The following CSMD1 variants were observed in gnomAD, a reference collection of about 807,000 sequenced individuals.
CSMD1 encodes the protein CUB and Sushi multiple domains 1, also known as CUB and sushi domain-containing protein 1.
CSMD1 carries 213 observed loss-of-function variants against 417.5 expected under a neutral mutation model. The observed-to-expected ratio is 0.51, with a 90% CI of 0.46 to 0.57. The LOEUF (loss-of-function observed/expected upper bound fraction) is 0.57. Ranked by LOEUF, CSMD1 falls within the 20% of genes least tolerant of loss-of-function variation. The pLI is 0.00. For missense variants in CSMD1, 6,923 were observed against 4,529.7 expected (o/e 1.53, Z -15.17); for synonymous variants, 2,862 against 1,736.8 (o/e 1.65, Z -16.11).
chr8:3,973,486 A>C (rs923822647), intron 5 of CSMD1, among the ~76,000 whole-genome samples: 7 of 152,216 alleles, frequency 4.6e-5, no homozygotes, highest in Non-Finnish European at 7.3e-5. Flanking sequence ...TTATTTTAAA[A>C]AATAGCATAC....
chr8:3,994,620 AG>A (rs1328397175), intron 5 of CSMD1, among the ~76,000 whole-genome samples: 1 of 151,998 alleles, frequency 6.6e-6, no homozygotes, highest in Non-Finnish European at 1.5e-5. Flanking sequence ...GAATCCGACT[AG>A]TTAAAAAAAA....
intron 2 of CSMD1, among the ~76,000 whole-genome samples, chr8:4,510,365 G>C (rs1307365522): frequency 1.4e-5 from 1 of 71,216 alleles, no homozygotes; most frequent in Non-Finnish European, 2.6e-5. Flanking sequence ...TATATTTTTT[G>C]TAGACAATTA....
intron 2 of CSMD1, among the ~76,000 whole-genome samples, chr8:4,544,295 G>C (rs1004137595): frequency 1.3e-5 from 2 of 151,954 alleles, no homozygotes; most frequent in Admixed American, 1.3e-4. Context: ...GTTTGTAAGA[G>C]GTCTATTGTC....
At chr8:3,694,624 G>A (rs1334376097) in intron 7 of CSMD1, among the ~76,000 whole-genome samples, 4 of 152,032 alleles carry the variant, frequency 2.6e-5, no homozygotes, top group Non-Finnish European at 4.4e-5. Flanking sequence ...CCAGCCCTGG[G>A]CATGAGAGGG....
intron 3 of CSMD1, among the ~76,000 whole-genome samples, chr8:4,078,080 A>G (rs1051696506): frequency 6.6e-6 from 1 of 152,186 alleles, no homozygotes; most frequent in Non-Finnish European, 1.5e-5. Flanking sequence ...AGAAATGCCT[A>G]CATGCCAAAG....
At chr8:3,089,519 G>A (rs964558055) in intron 48 of CSMD1, among the ~76,000 whole-genome samples, 8 of 152,150 alleles carry the variant, frequency 5.3e-5, no homozygotes, top group African/African-American at 1.9e-4. Flanking sequence ...TACGTGCATA[G>A]GGCAAATACA....
intron 25 of CSMD1, among the ~76,000 whole-genome samples, chr8:3,301,785 A>C (rs899521687): frequency 6.6e-6 from 1 of 152,246 alleles, no homozygotes; most frequent in Admixed American, 6.5e-5. Context: ...AGGGTATTTG[A>C]GAGATTGGAG....
At chr8:3,501,292 A>C (rs1321680003) in intron 10 of CSMD1, among the ~76,000 whole-genome samples, 1 of 151,952 alleles carries the variant, frequency 6.6e-6, no homozygotes, top group Non-Finnish European at 1.5e-5. Flanking sequence ...ATACACACAC[A>C]CCCCAAGAAA....
chr8:3,866,803 C>T (rs189595912), intron 5 of CSMD1, among the ~76,000 whole-genome samples: 4 of 152,090 alleles, frequency 2.6e-5, no homozygotes, highest in Non-Finnish European at 5.9e-5. Flanking sequence ...GCTCACAAAT[C>T]CTTAATATGA....
At chr8:3,850,929 T>A (rs1176478319) in intron 5 of CSMD1, among the ~76,000 whole-genome samples, 1 of 152,164 alleles carries the variant, frequency 6.6e-6, no homozygotes, top group African/African-American at 2.4e-5. Flanking sequence ...TTAAAAGAAA[T>A]AAGAATTACT....
chr8:3,028,664 T>C (rs1810120482), intron 51 of CSMD1, among the ~76,000 whole-genome samples: 1 of 152,244 alleles, frequency 6.6e-6, no homozygotes, highest in Admixed American at 6.5e-5. Flanking sequence ...TTCATGCTTT[T>C]GTCTTTTTCA....
intron 21 of CSMD1, among the ~76,000 whole-genome samples, chr8:3,353,058 C>G (rs1212424658): frequency 8.5e-5 from 13 of 152,074 alleles, no homozygotes; most frequent in Admixed American, 8.5e-4. Flanking sequence ...AATCTGTTAT[C>G]AGAAGGTGCA....
At chr8:3,874,409 A>G (rs1210956516) in intron 5 of CSMD1, among the ~76,000 whole-genome samples, 1 of 152,190 alleles carries the variant, frequency 6.6e-6, no homozygotes, top group Non-Finnish European at 1.5e-5. Context: ...CAGTCATTAT[A>G]GGTTTTATCC....
intron 10 of CSMD1, among the ~76,000 whole-genome samples, chr8:3,535,432 C>T (rs1282515658): frequency 2.6e-5 from 4 of 152,214 alleles, no homozygotes; most frequent in East Asian, 1.9e-4. Context: ...GTCTTCCCTC[C>T]GGTTCCATCC....
chr8:3,550,883 T>G (rs1203320999), intron 10 of CSMD1, among the ~76,000 whole-genome samples: 1 of 152,220 alleles, frequency 6.6e-6, no homozygotes, highest in Non-Finnish European at 1.5e-5. Context: ...GTTGCCAATC[T>G]CTGCTTCCAC....
intron 3 of CSMD1, among the ~76,000 whole-genome samples, chr8:4,219,388 A>G (rs750746958): frequency 3.3e-5 from 5 of 152,192 alleles, no homozygotes; most frequent in Non-Finnish European, 7.3e-5. Context: ...TGCTCAATAA[A>G]TATTTATAAA....
intron 1 of CSMD1, among the ~76,000 whole-genome samples, chr8:4,663,843 C>A (rs542838171): frequency 6.6e-6 from 1 of 152,310 alleles, no homozygotes; most frequent in South Asian, 2.1e-4. Context: ...TCGTCAGACA[C>A]TTCAGATTCT....
chr8:3,482,224 A>C (rs1817788809), intron 11 of CSMD1, among the ~76,000 whole-genome samples: 1 of 152,174 alleles, frequency 6.6e-6, no homozygotes, highest in Non-Finnish European at 1.5e-5. Context: ...ATGCCACTGA[A>C]ATATCAGAGA....
chr8:3,667,464 C>T lies in CSMD1; in HGVS notation c.1009+40950G>A, dbSNP rs528194666. On this transcript the variant is annotated intron_variant, in intron 7 of 69. Transcript: ENST00000635120. ...CCATTGGCAAGGCCTTGGGGCACTA[C>T]AGCCCTGGCAAACAATGCAGGGCCA... Among the ~76,000 whole-genome samples, 4 of 152,096 alleles carry T rather than the reference C, an allele frequency of 2.6e-5. No homozygotes were observed. The South Asian group carries it at 8.3e-4, about 32-fold the overall frequency.
Sources: gnomAD v4.1 joint callset for allele counts (sites outside exome capture counted in the v4.1 genomes callset) on GRCh38, gnomAD v4.1.1 for gene constraint, MANE v1.5 for transcripts, NCBI Gene and HGNC (gene_info 2026-07-23, HGNC 2026-07-21) for gene names.